Variants in KIF26B observed in about 807,000 individuals in gnomAD.
The protein encoded by KIF26B is kinesin family member 26B.
KIF26B carries 63 observed loss-of-function variants against 151.2 expected under a neutral mutation model. That is an observed-to-expected ratio of 0.42 (90% confidence interval 0.34 to 0.51). KIF26B has a LOEUF of 0.51. KIF26B is among the 20% of genes least tolerant of loss of function. The pLI is 0.07. For missense variants in KIF26B, 2,813 were observed against 2,913.6 expected (o/e 0.97, Z 0.79); for synonymous variants, 1,357 against 1,262.1 (o/e 1.08, Z -1.59).
chr1:245,521,272 G>A (rs747876025), intron 4 of KIF26B, among the ~76,000 whole-genome samples: 4 of 151,688 alleles, frequency 2.6e-5, no homozygotes, highest in African/African-American at 7.3e-5. Flanking sequence ...GGGAGGCGGA[G>A]CTTGCAGTGA....
chr1:245,168,376 A>G (rs570069426), intron 2 of KIF26B, among the ~76,000 whole-genome samples: 7 of 152,328 alleles, frequency 4.6e-5, no homozygotes, highest in East Asian at 1.9e-4. Context: ...TTCGGATCAT[A>G]AACTGACAGG....
At chr1:245,583,068 G>A (rs2043191463) in intron 5 of KIF26B, among the ~76,000 whole-genome samples, 1 of 152,138 alleles carries the variant, frequency 6.6e-6, no homozygotes, top group Admixed American at 6.5e-5. Context: ...AGGATTTAGA[G>A]TCTGGGCAGA....
chr1:245,156,646 C>T lies in KIF26B; in HGVS notation c.428C>T (p.Ala143Val), dbSNP rs546503653. The T allele has an allele frequency of 2.9e-4, 444 of 1,517,134 alleles. No homozygotes were observed. The highest frequency in any genetic ancestry group is 3.7e-4 in the Non-Finnish European group (424 of 1,139,706). 94.0% of individuals were successfully genotyped at this position (1,517,134 alleles called of 1,614,324 possible). A position where few individuals can be genotyped will look rare whatever the true frequency, so the allele number is the denominator to read the frequency against. Residue 143 changes from alanine (A) to valine (V), a missense_variant, in exon 2 of 15, where the codon GCC (alanine) becomes GTC (valine). Ala to Val is a moderately conservative substitution (Grantham distance 64). Around this residue, in one of 3 missense-constraint regions of KIF26B, gnomAD observed 676 missense variants for 688.1 expected, o/e 0.98. Coordinates refer to ENST00000407071, the MANE Select transcript of KIF26B (RefSeq NM_018012.4). The part of the protein sequence containing the change: ...NARLVELKRQ[A>V]LRLLLPGPFP... The stretch of plus-strand genomic sequence containing the variant: ...CGCCTGGTGGAGCTCAAGAGGCAGG[C>T]CCTGAGGTTGCTCCTCCCGGGGCCC...
At position 245,366,947 on chromosome 1, in the gene KIF26B, G is replaced by C; in HGVS notation, c.579G>C (p.Gln193His). Residue 193 changes from glutamine to histidine, a missense_variant, in exon 3 of 15, where the codon CAG (glutamine) becomes CAC (histidine). Coordinates refer to ENST00000407071, the MANE Select transcript of KIF26B (RefSeq NM_018012.4). ...RCDICATHLN[Q>H]LKQEAIQMVL... is the part of the protein sequence containing the mutation. Reference sequence around the variant, plus strand: ...ACATTTGCGCCACTCACCTGAACCAGTTGAAGCAGGAGGCCATCCAGATGG... The same window carrying C: ...ACATTTGCGCCACTCACCTGAACCACTTGAAGCAGGAGGCCATCCAGATGG... 1 of 1,614,054 alleles carries C rather than the reference G, an allele frequency of 6.2e-7. No individual in the cohort carries two copies.
chr1:245,580,370 C>T (rs1011992653), intron 5 of KIF26B, among the ~76,000 whole-genome samples: 2 of 152,154 alleles, frequency 1.3e-5, no homozygotes, highest in African/African-American at 2.4e-5. Flanking sequence ...CAGGTGTTTC[C>T]GTTGGGGTCT....
At chr1:245,281,941 T>G (rs1448750137) in intron 2 of KIF26B, among the ~76,000 whole-genome samples, 1 of 151,944 alleles carries the variant, frequency 6.6e-6, no homozygotes, top group Non-Finnish European at 1.5e-5. Flanking sequence ...TTCTGAGGGC[T>G]CTGTTCTGTT....
At chr1:245,434,085 T>A (rs978445880) in intron 4 of KIF26B, among the ~76,000 whole-genome samples, 2 of 152,210 alleles carry the variant, frequency 1.3e-5, no homozygotes, top group African/African-American at 2.4e-5. Flanking sequence ...TTTTCTCTAA[T>A]AAGTTTCCAT....
chr1:245,552,120 A>AGG (rs1309924605), intron 5 of KIF26B, among the ~76,000 whole-genome samples: 19 of 70,302 alleles, frequency 2.7e-4, no homozygotes, highest in Admixed American at 1.6e-3. Flanking sequence ...CAGAACCAGC[A>AGG]GGGTGTGTGT....
At chr1:245,389,728 T>C (rs1360460609) in intron 3 of KIF26B, among the ~76,000 whole-genome samples, 3 of 152,218 alleles carry the variant, frequency 2.0e-5, no homozygotes, top group Non-Finnish European at 4.4e-5. Context: ...TTCTATTAGT[T>C]TTTAAATTAA....
chr1:245,355,412 A>G (rs562682561), intron 2 of KIF26B, among the ~76,000 whole-genome samples: 14 of 152,138 alleles, frequency 9.2e-5, no homozygotes, highest in Middle Eastern at 6.8e-3. Context: ...CCTGGGCAAC[A>G]TGGCGAAACT....
chr1:245,488,214 A>C lies in KIF26B; in HGVS notation c.1167-52553A>C, dbSNP rs560370171. On this transcript the variant is annotated intron_variant, in intron 4 of 14. Coordinates refer to ENST00000407071, the MANE Select transcript of KIF26B (RefSeq NM_018012.4). This position sits in a 1 kb window ranked among gnomAD's most constrained non-coding sequence, Gnocchi z 4.6. ...TGAGATTACCAGCGTGAGCCACCAC[A>C]CTGGCCAACCCAGACTTTCCACTGG... Among the ~76,000 whole-genome samples, 9 of 152,192 alleles carry C rather than the reference A, an allele frequency of 5.9e-5. No individual in the cohort carries two copies. In the South Asian group the frequency reaches 1.7e-3, roughly 28 times the overall value.
At chr1:245,215,328 C>T (rs1191955741) in intron 2 of KIF26B, among the ~76,000 whole-genome samples, 2 of 152,152 alleles carry the variant, frequency 1.3e-5, no homozygotes, top group Non-Finnish European at 2.9e-5. Context: ...AACCTCCCTT[C>T]ACCGTGCTAT....
chr1:245,592,095 G>A (rs972919052), intron 5 of KIF26B, among the ~76,000 whole-genome samples: 2 of 152,130 alleles, frequency 1.3e-5, no homozygotes, highest in Non-Finnish European at 2.9e-5. Context: ...CCATTCTCCC[G>A]TCCTGCACAT....
intron 4 of KIF26B, among the ~76,000 whole-genome samples, chr1:245,482,842 T>C (rs955455505): frequency 6.6e-5 from 10 of 151,760 alleles, no homozygotes; most frequent in Non-Finnish European, 1.2e-4. Flanking sequence ...AAGAAGCCAG[T>C]GGAGACACCC....
chr1:245,672,390 C>A (rs1241895002), intron 10 of KIF26B, among the ~76,000 whole-genome samples: 2 of 152,210 alleles, frequency 1.3e-5, no homozygotes, highest in Non-Finnish European at 2.9e-5. Flanking sequence ...CGCATGAAAT[C>A]ACAGGAAGAA....
At chr1:245,503,462 T>G (rs1235775754) in intron 4 of KIF26B, among the ~76,000 whole-genome samples, 1 of 152,220 alleles carries the variant, frequency 6.6e-6, no homozygotes, top group South Asian at 2.1e-4. Flanking sequence ...TCCATACAGA[T>G]CTAACTAAAT....
At chr1:245,338,709 G>A (rs1014723983) in intron 2 of KIF26B, among the ~76,000 whole-genome samples, 1 of 152,310 alleles carries the variant, frequency 6.6e-6, no homozygotes, top group Admixed American at 6.5e-5. Context: ...GCATGGAGCA[G>A]TATGTTGTAA....
rs1672592654 is a variant in KIF26B, at chr1:245,352,602, G to A, written c.466-14232G>A. Among the ~76,000 whole-genome samples the A allele has an allele frequency of 6.6e-6, 1 of 152,178 alleles. No individual in the cohort carries two copies. Among genetic ancestry groups the A allele is most frequent in the Admixed American group, 6.5e-5 (1 of 15,278 alleles). Reference sequence around the variant, plus strand: ...TTTAAAGTCACCTGGGAAATACTTGGAGTACAGTTTTGTCATTTTAATCCT... The same window carrying A: ...TTTAAAGTCACCTGGGAAATACTTGAAGTACAGTTTTGTCATTTTAATCCT... On this transcript the variant is annotated intron_variant, in intron 2 of 14. Transcript: ENST00000407071. This position sits in a 1 kb window ranked among gnomAD's most constrained non-coding sequence, Gnocchi z 5.0.
chr1:245,256,436 G>A (rs1475277764), intron 2 of KIF26B, among the ~76,000 whole-genome samples: 1 of 152,210 alleles, frequency 6.6e-6, no homozygotes, highest in Admixed American at 6.5e-5. Flanking sequence ...GTCCGGATGA[G>A]GAAGCTGAGG....
Sources: gnomAD v4.1 joint callset for allele counts (sites outside exome capture counted in the v4.1 genomes callset) on GRCh38, gnomAD v4.1.1 for gene constraint, gnomAD v4.1.1 regional missense constraint, Gnocchi (gnomAD v3.1) non-coding constraint, MANE v1.5 for transcripts, NCBI Gene and HGNC (gene_info 2026-07-23, HGNC 2026-07-21) for gene names.